Variants in PSD3 observed in about 807,000 individuals in gnomAD.
The protein encoded by PSD3 is PH and SEC7 domain-containing protein 3.
In PSD3, 49 loss-of-function variants were observed where a neutral mutation model predicts 105.5. The observed-to-expected ratio is 0.46, with a 90% CI of 0.37 to 0.59. PSD3 has a LOEUF of 0.59. PSD3 is among the 20% of genes least tolerant of loss of function. The pLI is 0.00. For missense variants in PSD3, 1,561 were observed against 1,263.8 expected (o/e 1.24, Z -3.57); for synonymous variants, 557 against 457.8 (o/e 1.22, Z -2.77).
intron 4 of PSD3, among the ~76,000 whole-genome samples, chr8:18,831,567 C>A (rs1415558595): frequency 6.6e-6 from 1 of 151,994 alleles, no homozygotes; most frequent in Non-Finnish European, 1.5e-5. Context: ...ACTAAAAATA[C>A]AAAAATTAGC....
At chr8:18,696,591 A>G (rs1289834296) in intron 9 of PSD3, among the ~76,000 whole-genome samples, 1 of 152,198 alleles carries the variant, frequency 6.6e-6, no homozygotes, top group Non-Finnish European at 1.5e-5. Flanking sequence ...AGATATTACT[A>G]ATTGCATTTT....
rs1022208652 is a variant in PSD3, at chr8:18,623,858, A to C, written c.2410+8755T>G. Among the ~76,000 whole-genome samples the C allele has an allele frequency of 9.8e-5, 15 of 152,296 alleles. No individual in the cohort carries two copies. In the East Asian group the frequency reaches 2.9e-3, roughly 29 times the overall value. ...AATTTCAATATATGAATGTATTCTT[A>C]CTAAAAATAGTATTGTTTTGCATGC... On this transcript the variant is annotated intron_variant, in intron 11 of 15. Coordinates refer to ENST00000327040, the MANE Select transcript of PSD3 (RefSeq NM_015310.4).
At chr8:18,877,824 T>G (rs1817836930) in intron 2 of PSD3, among the ~76,000 whole-genome samples, 1 of 152,064 alleles carries the variant, frequency 6.6e-6, no homozygotes, top group Non-Finnish European at 1.5e-5. Context: ...TACAGGCATG[T>G]AGCACCACAC....
chr8:18,830,082 G>A (rs1813558868), intron 4 of PSD3, among the ~76,000 whole-genome samples: 2 of 151,966 alleles, frequency 1.3e-5, no homozygotes, highest in Admixed American at 1.3e-4. Context: ...ATTCTCCTGT[G>A]TCAGCCTCCC....
At chr8:18,942,090 T>G (rs1192066715) in intron 1 of PSD3, among the ~76,000 whole-genome samples, 1 of 152,108 alleles carries the variant, frequency 6.6e-6, no homozygotes, top group Non-Finnish European at 1.5e-5. Flanking sequence ...GGGAAGGGAA[T>G]GATGGGGCTA....
At chr8:18,978,202 C>T (rs1159615346) in intron 1 of PSD3, among the ~76,000 whole-genome samples, 1 of 152,242 alleles carries the variant, frequency 6.6e-6, no homozygotes, top group Non-Finnish European at 1.5e-5. Context: ...GAGGGCACTG[C>T]CTGCAAGGCT....
At chr8:18,910,865 AAC>A (rs1326688974) in intron 2 of PSD3, among the ~76,000 whole-genome samples, 5 of 151,938 alleles carry the variant, frequency 3.3e-5, no homozygotes, top group Admixed American at 1.3e-4. Context: ...GAAAAAATAA[AAC>A]AAACAGAAGT....
At chr8:18,756,976 T>A (rs1305320210) in intron 9 of PSD3, among the ~76,000 whole-genome samples, 1 of 143,874 alleles carries the variant, frequency 7.0e-6, no homozygotes, top group African/African-American at 2.5e-5. Context: ...CACCTCATCA[T>A]ATTTAATTCT....
At chr8:18,927,264 G>T (rs1821434110) in intron 2 of PSD3, among the ~76,000 whole-genome samples, 1 of 151,922 alleles carries the variant, frequency 6.6e-6, no homozygotes, top group South Asian at 2.1e-4. Context: ...CCCAGGCTGG[G>T]GTGCAAGGGC....
intron 11 of PSD3, among the ~76,000 whole-genome samples, chr8:18,623,673 A>G (rs912558456): frequency 4.0e-5 from 6 of 151,518 alleles, no homozygotes; most frequent in Non-Finnish European, 5.9e-5. Flanking sequence ...TGTAAAACAT[A>G]TAAGACTTCA....
chr8:18,741,102 A>T (rs1446481815), intron 9 of PSD3, among the ~76,000 whole-genome samples: 1 of 152,194 alleles, frequency 6.6e-6, no homozygotes, highest in Non-Finnish European at 1.5e-5. Context: ...CTGTTTTTTA[A>T]ATCTTAGAAA....
intron 9 of PSD3, among the ~76,000 whole-genome samples, chr8:18,695,906 G>C (rs374521156): frequency 9.8e-5 from 15 of 152,312 alleles, no homozygotes; most frequent in African/African-American, 3.6e-4. Context: ...GACCAGAACA[G>C]TACCCTCTCT....
At chr8:18,632,530 T>G in intron 11 of PSD3, 83 bp downstream of exon 11, 1 of 1,438,510 alleles carries the variant, frequency 7.0e-7, no homozygotes, top group Non-Finnish European at 9.5e-7. Context: ...TTTTTCATCC[T>G]TGACTTTCAG....
chr8:19,029,628 T>A (rs908875484), intron 1 of PSD3, among the ~76,000 whole-genome samples: 4 of 152,082 alleles, frequency 2.6e-5, no homozygotes, highest in Non-Finnish European at 4.4e-5. Flanking sequence ...AGCATGAGGG[T>A]GAACATCTCC....
chr8:18,683,066 C>A (rs1490448343), intron 9 of PSD3, among the ~76,000 whole-genome samples: 2 of 152,164 alleles, frequency 1.3e-5, no homozygotes, highest in Non-Finnish European at 2.9e-5. Flanking sequence ...TGGGAAGAAT[C>A]TCAAGAATAT....
chr8:18,748,050 T>A (rs542099562), intron 9 of PSD3, among the ~76,000 whole-genome samples: 4 of 152,168 alleles, frequency 2.6e-5, no homozygotes, highest in Non-Finnish European at 5.9e-5. Flanking sequence ...TGATCTCTCA[T>A]AAAACACCCC....
intron 11 of PSD3, among the ~76,000 whole-genome samples, chr8:18,616,289 A>G (rs942367159): frequency 6.6e-6 from 1 of 152,214 alleles, no homozygotes; most frequent in Non-Finnish European, 1.5e-5. Flanking sequence ...GAAAACCAAA[A>G]TACCCGACCC....
At chr8:18,573,236 G>C (rs1042656092) in intron 13 of PSD3, among the ~76,000 whole-genome samples, 1 of 152,128 alleles carries the variant, frequency 6.6e-6, no homozygotes. Flanking sequence ...TTGGGAAGCC[G>C]AGGTGGGCAG....
At chr8:18,728,959 T>A (rs1803529623) in intron 9 of PSD3, among the ~76,000 whole-genome samples, 1 of 152,216 alleles carries the variant, frequency 6.6e-6, no homozygotes, top group Non-Finnish European at 1.5e-5. Flanking sequence ...AGCAGAGATC[T>A]GGTTTCAGGC....
Sources: gnomAD v4.1 joint callset for allele counts (sites outside exome capture counted in the v4.1 genomes callset) on GRCh38, gnomAD v4.1.1 for gene constraint, MANE v1.5 for transcripts, NCBI Gene and HGNC (gene_info 2026-07-23, HGNC 2026-07-21) for gene names.